The following TRAPPC3L variants were observed in gnomAD, a reference collection of about 807,000 sequenced individuals.
The protein encoded by TRAPPC3L is trafficking protein particle complex subunit 3-like protein.
Under a neutral mutation model 23.7 loss-of-function variants are expected in TRAPPC3L, and 23 were observed. The observed-to-expected ratio is 0.97, with a 90% CI of 0.70 to 1.37. TRAPPC3L has a LOEUF of 1.37. Ranked by LOEUF, TRAPPC3L falls within the 40% of genes most tolerant of loss-of-function variation. The probability of loss-of-function intolerance (pLI) is 0.00; values close to 1 mark genes in which losing one functional copy is unlikely to be tolerated. For synonymous variants in TRAPPC3L, 81 were observed against 77.9 expected, an observed-to-expected ratio of 1.04 and a Z score of -0.21; for missense variants, 212 against 216.8, an observed-to-expected ratio of 0.98 and a Z score of 0.14.
At chr6:116,545,122 C>CATATATATACATATACATATACATAT (rs1396395691) in intron 1 of TRAPPC3L, among the ~76,000 whole-genome samples, 1 of 150,130 alleles carries the variant, frequency 6.7e-6, no homozygotes. Flanking sequence ...TATATACATA[C>CATATATATACATATACATATACATAT]ATACATATAT....
intron 3 of TRAPPC3L, among the ~76,000 whole-genome samples, chr6:116,501,516 TC>T (rs1446618751): frequency 6.6e-6 from 1 of 152,222 alleles, no homozygotes; most frequent in African/African-American, 2.4e-5. Flanking sequence ...GAGCAGTGGT[TC>T]TTCCAGCATG....
chr6:116,542,980 G>A (rs145035774), intron 2 of TRAPPC3L, among the ~76,000 whole-genome samples: 97 of 152,114 alleles, frequency 6.4e-4, no homozygotes, highest in Admixed American at 1.7e-3. Context: ...AAAATTTGAT[G>A]TTCCCTCATG....
At chr6:116,501,152 TCA>T (rs1771906564) in intron 3 of TRAPPC3L, among the ~76,000 whole-genome samples, 1 of 152,224 alleles carries the variant, frequency 6.6e-6, no homozygotes, top group African/African-American at 2.4e-5. Context: ...TGAGCTTTTC[TCA>T]CAGTCTTCGC....
At chr6:116,527,519 C>CAAAAAA (rs34686241) in intron 3 of TRAPPC3L, among the ~76,000 whole-genome samples, 79 of 112,174 alleles carry the variant, frequency 7.0e-4, no homozygotes, top group East Asian at 2.2e-3. Context: ...CGTCTCAAAA[C>CAAAAAA]AAAAAAAAAA....
chr6:116,506,822 C>T (rs1772014926), intron 3 of TRAPPC3L, among the ~76,000 whole-genome samples: 1 of 152,064 alleles, frequency 6.6e-6, no homozygotes, highest in Non-Finnish European at 1.5e-5. Flanking sequence ...AATGAGAACA[C>T]ATGGACACAG....
intron 3 of TRAPPC3L, chr6:116,520,838 C>G (rs549557267): frequency 6.6e-6 from 1 of 151,982 alleles, no homozygotes; most frequent in East Asian, 1.9e-4. Flanking sequence ...AAAGAGACAT[C>G]CTAATATGAT....
intron 3 of TRAPPC3L, among the ~76,000 whole-genome samples, chr6:116,503,814 T>C (rs1019359195): frequency 6.6e-6 from 1 of 152,118 alleles, no homozygotes; most frequent in Non-Finnish European, 1.5e-5. Context: ...AAGATGTTCT[T>C]AGAAACCAAT....
intron 2 of TRAPPC3L, among the ~76,000 whole-genome samples, chr6:116,540,757 C>T (rs955257758): frequency 2.6e-5 from 4 of 152,130 alleles, no homozygotes; most frequent in Admixed American, 1.3e-4. Flanking sequence ...AGGCTGGTTT[C>T]TGTAGCCTAA....
chr6:116,521,044 A>T (rs1024761463), intron 3 of TRAPPC3L: 1 of 152,074 alleles, frequency 6.6e-6, no homozygotes, highest in Non-Finnish European at 1.5e-5. Context: ...AAACAGAACC[A>T]ACAGTACAAC....
At chr6:116,518,497 T>C (rs1772270128) in intron 3 of TRAPPC3L, 1 of 152,050 alleles carries the variant, frequency 6.6e-6, no homozygotes, top group African/African-American at 2.4e-5. Flanking sequence ...AGAACAGGGA[T>C]TAGGGATGTG....
intron 4 of TRAPPC3L, 46 bp from the exon 5 acceptor site, chr6:116,497,119 C>CA (rs1433664727): frequency 3.3e-6 from 5 of 1,497,164 alleles, no homozygotes; most frequent in African/African-American, 2.9e-5. Flanking sequence ...AATTAAAAAA[C>CA]AAAAAACTAA....
chr6:116,536,889 G>A (rs954684701), intron 3 of TRAPPC3L, among the ~76,000 whole-genome samples: 2 of 152,014 alleles, frequency 1.3e-5, no homozygotes, highest in African/African-American at 4.8e-5. Flanking sequence ...CTCCTCTGAG[G>A]AGAGTTTACA....
intron 2 of TRAPPC3L, among the ~76,000 whole-genome samples, chr6:116,542,046 A>G (rs1001528417): frequency 7.2e-5 from 11 of 152,300 alleles, no homozygotes; most frequent in African/African-American, 2.4e-4. Context: ...TTTGTAGTCA[A>G]ATAAGTGAGC....
chr6:116,542,407 T>C (rs1170278549), intron 2 of TRAPPC3L, among the ~76,000 whole-genome samples: 1 of 152,162 alleles, frequency 6.6e-6, no homozygotes, highest in Non-Finnish European at 1.5e-5. Flanking sequence ...TCAATCTTTA[T>C]GTTGTCTTTT....
chr6:116,540,483 G>A (rs1281508480), intron 2 of TRAPPC3L, 21 bp from the exon 3 acceptor site: 1 of 1,547,376 alleles, frequency 6.5e-7, no homozygotes, highest in Non-Finnish European at 8.7e-7. Context: ...CGGAAAGAGT[G>A]TGGTCTGAAA....
Position 116,496,901 on chromosome 6 carries a change from T to C in TRAPPC3L, c.*53A>G. ...TTCAAAATTTCTATGTCTATACATG[T>C]TTAGCTAACATTAACTCAGCTAGCC... On this transcript the variant is annotated 3_prime_UTR_variant, in exon 5 of 5. Coordinates refer to ENST00000368602, the MANE Select transcript of TRAPPC3L (RefSeq NM_001139444.3). 3.3e-6 allele frequency: 5 copies of C among 1,516,750 alleles called. No individual in the cohort carries two copies. Among genetic ancestry groups the C allele is most frequent in the Non-Finnish European group, 4.4e-6 (5 of 1,136,808 alleles). The allele number at this position is 1,516,750 out of a possible 1,614,324, so 94.0% of individuals were successfully genotyped here.
chr6:116,540,059 T>A (rs933770775), intron 3 of TRAPPC3L, among the ~76,000 whole-genome samples: 4 of 152,186 alleles, frequency 2.6e-5, no homozygotes, highest in African/African-American at 7.2e-5. Context: ...GGGGCATGCA[T>A]GTTTTAAGGT....
Position 116,496,944 on chromosome 6 carries a change from G to A in TRAPPC3L, c.*10C>T, listed in dbSNP as rs530762905. Reference sequence around the variant, plus strand: ...AGCTAGCCGCCCCGTGGCATTTTCCGTGCTAGTCTTCATTTTTTCCCTCTA... The same window carrying A: ...AGCTAGCCGCCCCGTGGCATTTTCCATGCTAGTCTTCATTTTTTCCCTCTA... On this transcript the variant is annotated 3_prime_UTR_variant, in exon 5 of 5. Coordinates refer to ENST00000368602, the MANE Select transcript of TRAPPC3L (RefSeq NM_001139444.3). The A allele has an allele frequency of 1.5e-4, 224 of 1,540,008 alleles. No individual in the cohort carries two copies. The East Asian group carries it at 3.3e-3, about 22-fold the overall frequency.
chr6:116,500,750 A>G, intron 3 of TRAPPC3L, 84 bp from the exon 4 acceptor site: 1 of 1,212,380 alleles, frequency 8.2e-7, no homozygotes. Context: ...AGTTCTAGGC[A>G]TTGCAGCACA....
Sources: gnomAD v4.1 joint callset for allele counts (sites outside exome capture counted in the v4.1 genomes callset) on GRCh38, gnomAD v4.1.1 for gene constraint, MANE v1.5 for transcripts, NCBI Gene and HGNC (gene_info 2026-07-23, HGNC 2026-07-21) for gene names.